The following SLC38A4 variants were observed in gnomAD, a reference collection of about 807,000 sequenced individuals.
SLC38A4 encodes solute carrier family 38 member 4.
In SLC38A4, 20 loss-of-function variants were observed where a neutral mutation model predicts 63.1. That is an observed-to-expected ratio of 0.32 (90% CI 0.22 to 0.46). SLC38A4 has a LOEUF of 0.46. SLC38A4 is among the 20% of genes least tolerant of loss of function. The probability of loss-of-function intolerance (pLI) is 1.00; values close to 1 mark genes in which losing one functional copy is unlikely to be tolerated. For missense variants in SLC38A4, 526 were observed against 663.6 expected (o/e 0.79, Z 2.28); for synonymous variants, 230 against 225.5 (o/e 1.02, Z -0.18).
intron 7 of SLC38A4, among the ~76,000 whole-genome samples, chr12:46,781,079 T>C (rs1157847421): frequency 2.6e-5 from 4 of 151,998 alleles, no homozygotes; most frequent in African/African-American, 9.7e-5. Context: ...ATTCCCCACA[T>C]TGGTTAGTTC....
At chr12:46,775,236 G>A (rs1938499425) in intron 13 of SLC38A4, 63 bp from the exon 14 acceptor site, 1 of 1,561,190 alleles carries the variant, frequency 6.4e-7, no homozygotes, top group Non-Finnish European at 8.7e-7. Context: ...GTCACTTATG[G>A]CAACATTTTA....
At position 46,768,392 on chromosome 12, in the gene SLC38A4, G is replaced by T. The variant is rs1224321025; in HGVS notation, c.1460C>A (p.Thr487Asn). 2 of 1,610,266 alleles carry T rather than the reference G, an allele frequency of 1.2e-6. No homozygotes were observed. Among genetic ancestry groups the T allele is most frequent in the Admixed American group, 1.7e-5 (1 of 59,718 alleles). The change falls in exon 16 of 17, where the codon ACT becomes AAT. Residue 487 changes from threonine to asparagine, a missense_variant. Physicochemically the swap from Thr to Asn is moderately conservative, Grantham distance 65 (BLOSUM62 0). Transcript: ENST00000266579. ...TGCTGGAAGAATAAAAATCAGCATAGTGGCAGAAGAAGCCCCTGAGAAGAC... is the reference window on the plus strand; with the variant it reads ...TGCTGGAAGAATAAAAATCAGCATATTGGCAGAAGAAGCCCCTGAGAAGAC... ...IFGFIGASSA[T>N]MLIFILPAVF...
chr12:46,791,387 G>A (rs1395657908), intron 3 of SLC38A4, among the ~76,000 whole-genome samples: 1 of 152,124 alleles, frequency 6.6e-6, no homozygotes, highest in Admixed American at 6.6e-5. Flanking sequence ...TTCTTCAAGG[G>A]TCACCTAATT....
chr12:46,826,306 T>C (rs1208307205), upstream of SLC38A4, among the ~76,000 whole-genome samples: 2 of 151,632 alleles, frequency 1.3e-5, no homozygotes, highest in East Asian at 1.9e-4. Flanking sequence ...GTAGAAAGAG[T>C]TACGAGTGAA....
chr12:46,794,044 T>C (rs1473291747), intron 2 of SLC38A4, among the ~76,000 whole-genome samples: 1 of 152,160 alleles, frequency 6.6e-6, no homozygotes, highest in Non-Finnish European at 1.5e-5. Context: ...ATTCAATTAT[T>C]GTTGAACCAT....
In SLC38A4 at chr12:46,784,648, T is replaced by A; in HGVS notation, c.401-14A>T. On this transcript the variant is annotated splice_polypyrimidine_tract_variant and intron_variant, in intron 6 of 16. Transcript: ENST00000266579. ...AAATCAAAGACCCTACAATCAAAGA[T>A]AAAATAGCCTTGTTAAAGAGATTGT... is the stretch of plus-strand genomic sequence containing the variant. 1 of 1,588,466 alleles carries A rather than the reference T, an allele frequency of 6.3e-7. No individual in the cohort carries two copies. The highest frequency in any genetic ancestry group is 8.6e-7 in the Non-Finnish European group (1 of 1,159,738).
intron 14 of SLC38A4, among the ~76,000 whole-genome samples, chr12:46,773,035 T>TAA: frequency 6.6e-6 from 1 of 152,102 alleles, no homozygotes; most frequent in South Asian, 2.1e-4. Flanking sequence ...ATCATTTTAG[T>TAA]AAAGAAAAAA....
chr12:46,772,594 A>C (rs1168924293), intron 14 of SLC38A4, among the ~76,000 whole-genome samples: 1 of 152,102 alleles, frequency 6.6e-6, no homozygotes, highest in East Asian at 1.9e-4. Flanking sequence ...TGCTAGTGAA[A>C]ACACTACCTT....
At chr12:46,818,213 G>A (rs1194188964) in intron 1 of SLC38A4, among the ~76,000 whole-genome samples, 1 of 151,872 alleles carries the variant, frequency 6.6e-6, no homozygotes, top group Admixed American at 6.6e-5. Flanking sequence ...TCATCTTCTG[G>A]GAGTATTCTG....
upstream of SLC38A4, among the ~76,000 whole-genome samples, chr12:46,827,441 C>A (rs1287917216): frequency 6.6e-6 from 1 of 152,096 alleles, no homozygotes; most frequent in African/African-American, 2.4e-5. Context: ...AATAATAGAT[C>A]CTTACAAAAC....
intron 1 of SLC38A4, among the ~76,000 whole-genome samples, chr12:46,825,313 TTA>T (rs34878223): frequency 2.6e-4 from 37 of 140,360 alleles, no homozygotes; most frequent in Admixed American, 7.7e-4. Flanking sequence ...TATACAAAGT[TTA>T]TATATATATA....
At chr12:46,784,974 G>T in intron 6 of SLC38A4, 130 bp downstream of exon 6, 1 of 832,374 alleles carries the variant, frequency 1.2e-6, no homozygotes, top group Non-Finnish European at 2.0e-6. Flanking sequence ...CTGAGAGATC[G>T]TGTCACTGGG....
At chr12:46,769,767 G>C (rs1375640885) in intron 14 of SLC38A4, among the ~76,000 whole-genome samples, 1 of 151,926 alleles carries the variant, frequency 6.6e-6, no homozygotes, top group Admixed American at 6.6e-5. Flanking sequence ...TATGTTACAG[G>C]TACCTCCACT....
chr12:46,765,616 C>T lies in SLC38A4; in HGVS notation c.*1085G>A, dbSNP rs1235400763. 1.1e-5 allele frequency: 2 copies of T among 181,886 alleles called. No individual in the cohort carries two copies. Among genetic ancestry groups the T allele is most frequent in the African/African-American group, 4.8e-5 (2 of 41,514 alleles). The allele number at this position is 181,886 out of a possible 1,614,324, so 11.3% of individuals were successfully genotyped here. On this transcript the variant is annotated 3_prime_UTR_variant, in exon 17 of 17. Coordinates refer to ENST00000266579, the MANE Select transcript of SLC38A4 (RefSeq NM_018018.5). ...CATATGAATGGATTTTCGAGCCCAC[C>T]AACTTAATTCCCTGCCCCCACCCCC...
chr12:46,774,746 A>G (rs1472795936), intron 14 of SLC38A4, among the ~76,000 whole-genome samples: 3 of 152,040 alleles, frequency 2.0e-5, no homozygotes, highest in Non-Finnish European at 4.4e-5. Context: ...CCAAAGTTAT[A>G]TGAACTCCTA....
At chr12:46,775,265 G>C in intron 13 of SLC38A4, 92 bp from the exon 14 acceptor site, 1 of 1,463,174 alleles carries the variant, frequency 6.8e-7, no homozygotes, top group Non-Finnish European at 9.1e-7. Flanking sequence ...ACACAGAACA[G>C]AGGAAAAGAC....
intron 1 of SLC38A4, among the ~76,000 whole-genome samples, chr12:46,811,283 GC>G (rs1311987688): frequency 3.3e-5 from 5 of 151,974 alleles, no homozygotes; most frequent in Non-Finnish European, 7.4e-5. Flanking sequence ...TGCACAAAAT[GC>G]CCATGACATC....
intron 1 of SLC38A4, among the ~76,000 whole-genome samples, chr12:46,812,924 A>G (rs1253683038): frequency 6.6e-6 from 1 of 152,018 alleles, no homozygotes; most frequent in Non-Finnish European, 1.5e-5. Flanking sequence ...CCTCAGCAAA[A>G]TTTTCACTAA....
At chr12:46,789,675 G>A (rs1565669506) in intron 3 of SLC38A4, among the ~76,000 whole-genome samples, 1 of 152,080 alleles carries the variant, frequency 6.6e-6, no homozygotes, top group Non-Finnish European at 1.5e-5. Flanking sequence ...GCTCGACTAT[G>A]TATAATTTTA....
Sources: gnomAD v4.1 joint callset for allele counts (sites outside exome capture counted in the v4.1 genomes callset) on GRCh38, gnomAD v4.1.1 for gene constraint, MANE v1.5 for transcripts, NCBI Gene and HGNC (gene_info 2026-07-23, HGNC 2026-07-21) for gene names.